The following COL14A1 variants were observed in gnomAD, a reference collection of about 807,000 sequenced individuals.
COL14A1 encodes collagen type XIV alpha 1 chain, also known as collagen alpha-1(XIV) chain.
Under a neutral mutation model 230.3 loss-of-function variants are expected in COL14A1, and 136 were observed. The observed-to-expected ratio is 0.59, with a 90% CI of 0.51 to 0.68. The LOEUF is 0.68. COL14A1 is among the 30% of genes least tolerant of loss of function. The pLI is 0.00. For synonymous variants in COL14A1, 792 were observed against 784.1 expected (o/e 1.01, Z -0.17); for missense variants, 1,976 against 2,215.8 (o/e 0.89, Z 2.17).
intron 26 of COL14A1, among the ~76,000 whole-genome samples, chr8:120,277,081 C>T (rs1269601732): frequency 6.6e-6 from 1 of 151,924 alleles, no homozygotes; most frequent in Non-Finnish European, 1.5e-5. Flanking sequence ...AAAAATGATC[C>T]AAAAGTTCCA....
At chr8:120,306,562 C>G (rs1177471173) in intron 36 of COL14A1, among the ~76,000 whole-genome samples, 1 of 152,060 alleles carries the variant, frequency 6.6e-6, no homozygotes. Context: ...TATGACGTAT[C>G]AATAAAACTA....
chr8:120,278,571 A>G lies in COL14A1; in HGVS notation c.3474A>G (p.Gln1158=). 6.2e-7 allele frequency: 1 copy of G among 1,612,142 alleles called. No individual in the cohort carries two copies. The highest frequency in any genetic ancestry group is 1.7e-5 in the Admixed American group (1 of 59,640). Residue 1158 remains glutamine, a synonymous_variant, in exon 28 of 48, where the codon CAA becomes CAG. Coordinates refer to ENST00000297848, the MANE Select transcript of COL14A1 (RefSeq NM_021110.4). ...DDVNKISREM[Q]LDGYSIFAIG... Reference sequence around the variant, plus strand: ...TGAACAAAATCTCCAGGGAGATGCAATTAGATGGTAAGATATATAAACAAT... The same window carrying G: ...TGAACAAAATCTCCAGGGAGATGCAGTTAGATGGTAAGATATATAAACAAT...
chr8:120,190,606 A>G (rs986972418), intron 5 of COL14A1, among the ~76,000 whole-genome samples: 2 of 151,978 alleles, frequency 1.3e-5, no homozygotes, highest in African/African-American at 2.4e-5. Context: ...TCCTCTTTGT[A>G]CCTCTGGTAG....
intron 3 of COL14A1, among the ~76,000 whole-genome samples, chr8:120,161,509 G>A (rs774138367): frequency 1.4e-4 from 22 of 152,204 alleles, no homozygotes; most frequent in Non-Finnish European, 2.9e-4. Flanking sequence ...TAAGTAGCCA[G>A]TCAATGAGTG....
At chr8:120,301,970 T>A (rs774317538) in intron 36 of COL14A1, among the ~76,000 whole-genome samples, 2 of 152,226 alleles carry the variant, frequency 1.3e-5, no homozygotes, top group African/African-American at 2.4e-5. Flanking sequence ...ACTGAGCTTT[T>A]TTTCATATGC....
chr8:120,297,589 G>T lies in COL14A1; in HGVS notation c.4314+1G>T, dbSNP rs764883615. The T allele has an allele frequency of 7.3e-7, 1 of 1,377,558 alleles. No individual in the cohort carries two copies. The highest frequency in any genetic ancestry group is 2.7e-5 in the Admixed American group (1 of 36,682). 85.3% of individuals were successfully genotyped at this position (1,377,558 alleles called of 1,614,324 possible). On this transcript the variant is annotated splice_donor_variant, in intron 35 of 47. Transcript: ENST00000297848. LOFTEE classifies it high-confidence loss of function. Reference sequence around the variant, plus strand: ...CAAATGCTGTGAACTTCCAGGCCTGGTAAGAATTCTTCCTTCATTTCTATT... The same window carrying T: ...CAAATGCTGTGAACTTCCAGGCCTGTTAAGAATTCTTCCTTCATTTCTATT...
chr8:120,323,114 T>C (rs190849364), intron 40 of COL14A1, among the ~76,000 whole-genome samples: 1 of 152,360 alleles, frequency 6.6e-6, no homozygotes, highest in East Asian at 1.9e-4. Context: ...GCATTCTGAC[T>C]GGTGTGAGAT....
intron 33 of COL14A1, among the ~76,000 whole-genome samples, chr8:120,287,831 T>C (rs933782699): frequency 6.6e-6 from 1 of 152,158 alleles, no homozygotes; most frequent in African/African-American, 2.4e-5. Flanking sequence ...TATTTGTTCA[T>C]AGACTTATAA....
At position 120,168,858 on chromosome 8, in the gene COL14A1, C is replaced by T. The variant is rs545830935; in HGVS notation, c.436+611C>T. Among the ~76,000 whole-genome samples the T allele has an allele frequency of 2.0e-5, 3 of 152,102 alleles. No homozygotes were observed. The East Asian group carries it at 5.8e-4, about 29-fold the overall frequency. On this transcript the variant is annotated intron_variant, in intron 5 of 47. Transcript: ENST00000297848. ...ATTATAATTTATTGATTAGTCCCCCCAACCCCGTTTTTTTTGAGGCAGGAT... is the reference window on the plus strand; with the variant it reads ...ATTATAATTTATTGATTAGTCCCCCTAACCCCGTTTTTTTTGAGGCAGGAT...
At chr8:120,225,011 G>A (rs1384356266) in intron 14 of COL14A1, 77 bp from the exon 15 acceptor site, 9 of 1,390,552 alleles carry the variant, frequency 6.5e-6, no homozygotes, top group African/African-American at 2.9e-5. Context: ...TCAGCTAAGC[G>A]AGCTACAGAC....
intron 5 of COL14A1, among the ~76,000 whole-genome samples, chr8:120,170,292 A>T (rs1187636914): frequency 3.3e-5 from 5 of 151,958 alleles, no homozygotes; most frequent in African/African-American, 4.8e-5. Flanking sequence ...ATGCATTTTA[A>T]AATATCCAAG....
chr8:120,257,731 A>C (rs1480881569), intron 23 of COL14A1, among the ~76,000 whole-genome samples: 1 of 152,178 alleles, frequency 6.6e-6, no homozygotes, highest in African/African-American at 2.4e-5. Context: ...CACTCCAGGC[A>C]AAGGAGATAC....
intron 35 of COL14A1, among the ~76,000 whole-genome samples, chr8:120,297,791 C>G (rs560307950): frequency 6.6e-6 from 1 of 152,102 alleles, no homozygotes; most frequent in South Asian, 2.1e-4. Flanking sequence ...CTGCCCAACT[C>G]AGAGGGTGCT....
intron 40 of COL14A1, among the ~76,000 whole-genome samples, chr8:120,325,291 G>A (rs1821619733): frequency 6.6e-6 from 1 of 151,998 alleles, no homozygotes; most frequent in Admixed American, 6.6e-5. Flanking sequence ...ATATTTTGAG[G>A]TAGGAATATT....
intron 4 of COL14A1, among the ~76,000 whole-genome samples, chr8:120,163,561 C>A (rs935528957): frequency 6.6e-6 from 1 of 151,964 alleles, no homozygotes; most frequent in Admixed American, 6.6e-5. Context: ...GTCAGGAGTT[C>A]GAGACCAGCC....
At chr8:120,335,940 G>A (rs1359146822) in intron 42 of COL14A1, among the ~76,000 whole-genome samples, 1 of 152,158 alleles carries the variant, frequency 6.6e-6, no homozygotes, top group Non-Finnish European at 1.5e-5. Flanking sequence ...CAGGATACCT[G>A]GGTCCTTGAT....
intron 5 of COL14A1, among the ~76,000 whole-genome samples, chr8:120,183,783 C>T (rs954388114): frequency 2.6e-5 from 4 of 152,286 alleles, no homozygotes; most frequent in South Asian, 2.1e-4. Flanking sequence ...AGGACAAATG[C>T]GTACGGCTTT....
intron 40 of COL14A1, among the ~76,000 whole-genome samples, chr8:120,330,520 C>T (rs765140980): frequency 7.2e-5 from 11 of 152,138 alleles, no homozygotes; most frequent in Non-Finnish European, 1.5e-4. Context: ...ATTTATAAAA[C>T]CATCAGATCT....
At chr8:120,299,219 G>A (rs143816358) in intron 35 of COL14A1, among the ~76,000 whole-genome samples, 214 of 152,100 alleles carry the variant, frequency 1.4e-3, no homozygotes, top group Non-Finnish European at 2.4e-3. Context: ...GTATCAGTAA[G>A]ACTTACCGTA....
Sources: allele counts gnomAD v4.1 joint callset (sites outside exome capture counted in the v4.1 genomes callset), GRCh38; gene constraint gnomAD v4.1.1; transcripts MANE v1.5; gene names NCBI Gene and HGNC (gene_info 2026-07-23, HGNC 2026-07-21).